AGO2: variants seen among roughly 807,000 people sequenced by gnomAD.
AGO2 encodes the protein argonaute RISC catalytic component 2.
AGO2 carries 5 observed loss-of-function variants against 102.3 expected under a neutral mutation model. The ratio of observed to expected loss-of-function variants is 0.05; its 90% confidence interval spans 0.03 to 0.10. The LOEUF is 0.10. AGO2 is among the 10% of genes least tolerant of loss of function. AGO2 has a pLI of 1.00. For synonymous variants in AGO2, 449 were observed against 473.1 expected (o/e 0.95, Z 0.66); for missense variants, 541 against 1,183.7 (o/e 0.46, Z 7.97).
At chr8:140,607,668 C>A (rs182404927) in intron 1 of AGO2, among the ~76,000 whole-genome samples, 3 of 151,732 alleles carry the variant, frequency 2.0e-5, no homozygotes, top group Non-Finnish European at 4.4e-5. Flanking sequence ...CATTGTTAGG[C>A]GAAAGAAGCC....
chr8:140,568,858 T>G lies in AGO2; in HGVS notation c.336+3954A>C, dbSNP rs370053281. On this transcript the variant is annotated intron_variant, in intron 3 of 18. Transcript: ENST00000220592. ...GCACCACCTCCTGACCAGCTTGTAT[T>G]GGGGTGGGCTTGGGTCAAAGCACCT... Among the ~76,000 whole-genome samples, 12 of 152,262 alleles carry G rather than the reference T, an allele frequency of 7.9e-5. No individual in the cohort carries two copies. In the East Asian group the frequency reaches 1.7e-3, roughly 22 times the overall value.
chr8:140,551,744 G>A (rs1292735916), intron 10 of AGO2, among the ~76,000 whole-genome samples: 2 of 132,242 alleles, frequency 1.5e-5, no homozygotes, highest in Non-Finnish European at 3.3e-5. Flanking sequence ...GGTGGATAAG[G>A]TAGGTGGGTG....
At chr8:140,590,922 C>T (rs1234338421) in intron 1 of AGO2, among the ~76,000 whole-genome samples, 1 of 152,198 alleles carries the variant, frequency 6.6e-6, no homozygotes, top group Non-Finnish European at 1.5e-5. Context: ...ATGGCCCCTA[C>T]CCCTCCTCCT....
chr8:140,538,229 A>AGCC (rs1201342473), intron 16 of AGO2, among the ~76,000 whole-genome samples: 1 of 152,238 alleles, frequency 6.6e-6, no homozygotes, highest in Non-Finnish European at 1.5e-5. Flanking sequence ...GTCCTTGCAC[A>AGCC]GCCGTGCCTG....
intron 1 of AGO2, among the ~76,000 whole-genome samples, chr8:140,627,199 C>T (rs1003433965): frequency 9.2e-5 from 14 of 152,352 alleles, no homozygotes; most frequent in African/African-American, 3.4e-4. Flanking sequence ...AGGATCCTTT[C>T]ACTATCAAAG....
the AGO2 span, among the ~76,000 whole-genome samples, chr8:140,641,741 G>T: frequency 2.0e-4 from 30 of 152,214 alleles, no homozygotes; most frequent in African/African-American, 7.2e-4. Context: ...GCACAACCAC[G>T]CCTGGCTAAT....
At chr8:140,630,869 C>T (rs1284053568) in intron 1 of AGO2, among the ~76,000 whole-genome samples, 1 of 152,194 alleles carries the variant, frequency 6.6e-6, no homozygotes, top group Non-Finnish European at 1.5e-5. Context: ...GCCTGGGCAA[C>T]ATGTCAGGAC....
chr8:140,579,818 T>C (rs2073527254), intron 2 of AGO2, among the ~76,000 whole-genome samples: 1 of 152,236 alleles, frequency 6.6e-6, no homozygotes, highest in Admixed American at 6.5e-5. Flanking sequence ...AGGGTCCACC[T>C]GCATTCCCGT....
chr8:140,601,382 G>A (rs904976078), intron 1 of AGO2, among the ~76,000 whole-genome samples: 3 of 152,142 alleles, frequency 2.0e-5, no homozygotes, highest in African/African-American at 4.8e-5. Flanking sequence ...CGCTGTGCTC[G>A]CCTCAACAGC....
intron 18 of AGO2, 95 bp downstream of exon 18, chr8:140,532,321 T>C (rs984867086): frequency 2.7e-6 from 4 of 1,478,478 alleles, no homozygotes; most frequent in Admixed American, 3.9e-5. Flanking sequence ...CTCCAGCCGC[T>C]GGGGCCCTGC....
intron 1 of AGO2, among the ~76,000 whole-genome samples, chr8:140,615,810 T>C (rs1166861837): frequency 6.6e-6 from 1 of 152,232 alleles, no homozygotes; most frequent in Admixed American, 6.5e-5. Flanking sequence ...CACTATTGAG[T>C]TGGAGCACTC....
Position 140,529,872 on chromosome 8 carries a change from T to C in AGO2, c.*2172A>G, listed in dbSNP as rs2072560591. On this transcript the variant is annotated 3_prime_UTR_variant, in exon 19 of 19. Coordinates refer to ENST00000220592, the MANE Select transcript of AGO2 (RefSeq NM_012154.5). ...GGAAGAAACACACCTTTGAGACACA[T>C]GGTTCCAGATGATTGTAAAAATGGC... The C allele has an allele frequency of 6.6e-6, 1 of 152,224 alleles. No homozygotes were observed. Among genetic ancestry groups the C allele is most frequent in the African/African-American group, 2.4e-5 (1 of 41,454 alleles). The allele number at this position is 152,224 out of a possible 1,614,324, so 9.4% of individuals were successfully genotyped here.
chr8:140,556,309 G>A (rs748070638), intron 8 of AGO2, 23 bp from the exon 9 acceptor site: 20 of 1,613,030 alleles, frequency 1.2e-5, no homozygotes, highest in East Asian at 2.2e-5. Flanking sequence ...CGTAGAGACA[G>A]GCCGTCAGTG....
rs2073716082 is a variant in AGO2 at position 140,589,567 on chromosome 8, AT to A, written c.23-4257del. ...TGTTTCCAGAGCTCCAAAGTGAGTC[AT>A]TATTCAAAGCCATGCTTCCCGATGG... is the stretch of plus-strand genomic sequence containing the variant. On this transcript the variant is annotated intron_variant, in intron 1 of 18. Coordinates refer to ENST00000220592, the MANE Select transcript of AGO2 (RefSeq NM_012154.5). This position sits in a 1 kb window ranked among gnomAD's most constrained non-coding sequence, Gnocchi z 4.2. Among the ~76,000 whole-genome samples, 1 of 152,200 alleles carries A rather than the reference AT, an allele frequency of 6.6e-6. No homozygotes were observed. Among genetic ancestry groups the A allele is most frequent in the Admixed American group, 6.5e-5 (1 of 15,282 alleles).
At chr8:140,631,563 G>A (rs1259343085) in intron 1 of AGO2, among the ~76,000 whole-genome samples, 1 of 151,728 alleles carries the variant, frequency 6.6e-6, no homozygotes, top group Non-Finnish European at 1.5e-5. Context: ...AAAAAAAGAA[G>A]ACGTAAATAT....
Position 140,560,450 on chromosome 8 carries a change from G to T in AGO2, c.579C>A (p.Gly193=). The change falls in exon 5 of 19, where the codon GGC becomes GGA. Residue 193 remains glycine, a synonymous_variant. Coordinates refer to ENST00000220592, the MANE Select transcript of AGO2 (RefSeq NM_012154.5). ...TASEGCSNPL[G]GGREVWFGFH... is the part of the protein sequence containing the mutation. Reference sequence around the variant, plus strand: ...AGCCAAACCACACTTCTCGGCCCCCGCCAAGAGGGTTAGAGCAGCCTTCGG... The same window carrying T: ...AGCCAAACCACACTTCTCGGCCCCCTCCAAGAGGGTTAGAGCAGCCTTCGG... 1 of 1,614,234 alleles carries T rather than the reference G, an allele frequency of 6.2e-7. No individual in the cohort carries two copies. Among genetic ancestry groups the T allele is most frequent in the South Asian group, 1.1e-5 (1 of 91,086 alleles).
chr8:140,536,970 G>A (rs535018011), intron 16 of AGO2, among the ~76,000 whole-genome samples: 25 of 152,316 alleles, frequency 1.6e-4, no homozygotes, highest in Admixed American at 1.3e-3. Flanking sequence ...AGACGGCACT[G>A]TTTCAGCTGC....
intron 13 of AGO2, among the ~76,000 whole-genome samples, chr8:140,545,311 A>G (rs1588443506): frequency 6.6e-6 from 1 of 151,882 alleles, no homozygotes; most frequent in Non-Finnish European, 1.5e-5. Context: ...GCTCTGCATC[A>G]CCCAGACCCA....
Position 140,531,919 on chromosome 8 carries a change from TA to T in AGO2, c.*124del. On this transcript the variant is annotated 3_prime_UTR_variant, in exon 19 of 19. Transcript: ENST00000220592. Reference sequence around the variant, plus strand: ...AAGGCATTCTGGAAAACGGAGAATCTAATAAAATCAATGACGTCTCATGTTC... The same window carrying T: ...AAGGCATTCTGGAAAACGGAGAATCTATAAAATCAATGACGTCTCATGTTC... 1 of 840,560 alleles carries T rather than the reference TA, an allele frequency of 1.2e-6. No homozygotes were observed. The highest frequency in any genetic ancestry group is 1.9e-6 in the Non-Finnish European group (1 of 525,030). The allele number at this position is 840,560 out of a possible 1,614,324, so 52.1% of individuals were successfully genotyped here.
Sources: allele counts gnomAD v4.1 joint callset (sites outside exome capture counted in the v4.1 genomes callset), GRCh38; gene constraint gnomAD v4.1.1; non-coding constraint Gnocchi (gnomAD v3.1); transcripts MANE v1.5; gene names NCBI Gene and HGNC (gene_info 2026-07-23, HGNC 2026-07-21).